The following MAPKAPK3 variants were observed in gnomAD, a reference collection of about 807,000 sequenced individuals.
MAPKAPK3 encodes MAP kinase-activated protein kinase 3.
Under a neutral mutation model 49.2 loss-of-function variants are expected in MAPKAPK3, and 35 were observed. The observed-to-expected ratio is 0.71, with a 90% CI of 0.54 to 0.94. MAPKAPK3 has a LOEUF of 0.94. Ranked by LOEUF, MAPKAPK3 falls within the 40% of genes least tolerant of loss-of-function variation. The pLI is 0.00. For synonymous variants in MAPKAPK3, 178 were observed against 188.7 expected (o/e 0.94, Z 0.46); for missense variants, 398 against 493.1 (o/e 0.81, Z 1.83).
chr3:50,627,393 C>G (rs1429724572), intron 2 of MAPKAPK3, among the ~76,000 whole-genome samples: 1 of 152,032 alleles, frequency 6.6e-6, no homozygotes, highest in African/African-American at 2.4e-5. Context: ...CCCCAGGATG[C>G]CTCTCCCACA....
At chr3:50,639,896 T>G (rs1215096599) in intron 2 of MAPKAPK3, among the ~76,000 whole-genome samples, 2 of 152,226 alleles carry the variant, frequency 1.3e-5, no homozygotes, top group African/African-American at 4.8e-5. Context: ...GGGCCTACTA[T>G]GTACCAGGTG....
rs1043837045 is a variant in MAPKAPK3 at position 50,641,830 on chromosome 3, G to A, written c.424+59G>A. 9.3e-5 allele frequency: 134 copies of A among 1,435,360 alleles called. 1 individual carries two copies. Among genetic ancestry groups the A allele is most frequent in the South Asian group, 7.0e-4 (61 of 87,446 alleles). The allele number at this position is 1,435,360 out of a possible 1,614,324, so 88.9% of individuals were successfully genotyped here. On this transcript the variant is annotated intron_variant, in intron 4 of 10. Transcript: ENST00000621469. ...CAGGGTGAGAGGTATGGACCAGAGC[G>A]TTGTGTGTGATGCTAGGCAAGACCC...
intron 2 of MAPKAPK3, among the ~76,000 whole-genome samples, chr3:50,623,108 C>T (rs979747656): frequency 2.6e-5 from 4 of 152,282 alleles, no homozygotes; most frequent in Middle Eastern, 3.4e-3. Flanking sequence ...ATCTCCAGAC[C>T]GGTCAGATCA....
intron 2 of MAPKAPK3, among the ~76,000 whole-genome samples, chr3:50,630,683 C>G (rs928545706): frequency 6.6e-6 from 1 of 152,190 alleles, no homozygotes; most frequent in African/African-American, 2.4e-5. Flanking sequence ...TTTGCTTTCC[C>G]CAGGCTGGTG....
rs368386934 is a variant in MAPKAPK3 at position 50,648,348 on chromosome 3, A to G, written c.*302A>G. ...CCTCTGTGCTGTCCTGCCCTGGTGC[A>G]TGGCCTTAGCTTTCTAGGCCACTGG... On this transcript the variant is annotated 3_prime_UTR_variant, in exon 11 of 11. Transcript: ENST00000621469. The G allele has an allele frequency of 5.4e-5, 14 of 258,962 alleles. No homozygotes were observed. Among genetic ancestry groups the G allele is most frequent in the Middle Eastern group, 1.2e-3 (1 of 838 alleles). The allele number at this position is 258,962 out of a possible 1,614,324, so 16.0% of individuals were successfully genotyped here.
upstream of MAPKAPK3, chr3:50,613,671 C>G (rs2107564745): frequency 6.6e-6 from 1 of 152,344 alleles, no homozygotes; most frequent in African/African-American, 2.4e-5. Flanking sequence ...TCTACCAAAA[C>G]TATACTTCTT....
In MAPKAPK3 at chr3:50,646,772, G is replaced by A. The variant is rs769809042; in HGVS notation, c.862G>A (p.Asp288Asn). 15 of 1,613,934 alleles carry A rather than the reference G, an allele frequency of 9.3e-6. 1 individual carries two copies. The Admixed American group carries it at 1.8e-4, about 20-fold the overall frequency. The change falls in exon 9 of 11, where the codon GAC (aspartate) becomes AAC (asparagine). Residue 288 changes from aspartate to asparagine, a missense_variant. Transcript: ENST00000621469. ...KQLIRLLLKT[D>N]PTERLTITQF... is the part of the protein sequence containing the mutation. ...GCTGATCCGCCTCCTGTTGAAGACA[G>A]ACCCCACAGAGAGGCTGACCATCAC...
intron 2 of MAPKAPK3, among the ~76,000 whole-genome samples, chr3:50,628,613 G>C (rs968925083): frequency 5.9e-5 from 9 of 152,264 alleles, no homozygotes; most frequent in African/African-American, 1.9e-4. Context: ...ATGTACTCAG[G>C]GGGCTCACAG....
rs759957245 is a variant in MAPKAPK3, at chr3:50,617,648, C to G, written c.83C>G (p.Pro28Arg). The G allele has an allele frequency of 1.2e-5, 20 of 1,609,388 alleles. No homozygotes were observed. The highest frequency in any genetic ancestry group is 1.5e-5 in the Non-Finnish European group (18 of 1,176,930). The change falls in exon 2 of 11, where the codon CCG (proline) becomes CGG (arginine). Residue 28 changes from proline (P) to arginine (R), a missense_variant. Pro to Arg is a moderately radical substitution (Grantham distance 103, BLOSUM62 -2). Around this residue, in one of 5 missense-constraint regions of MAPKAPK3, gnomAD observed 123 missense variants for 117.7 expected, o/e 1.04. Transcript: ENST00000621469. ...GGCGGACCCGGCTTGGGCGGTGCTC[C>G]GGGGGGGCGGCGGGAGCCCAAGAAG... ...APGGPGLGGA[P>R]GGRREPKKYA...
intron 3 of MAPKAPK3, 110 bp from the exon 4 acceptor site, chr3:50,641,597 G>A: frequency 1.2e-6 from 1 of 844,194 alleles, no homozygotes; most frequent in South Asian, 1.4e-5. Flanking sequence ...GTTCAGTAGG[G>A]GAGGAGCGGA....
rs1429857195 is a variant in MAPKAPK3 at position 50,617,565 on chromosome 3, C to T, written c.-1C>T. The T allele has an allele frequency of 6.6e-7, 1 of 1,504,578 alleles. No homozygotes were observed. Among genetic ancestry groups the T allele is most frequent in the Non-Finnish European group, 9.2e-7 (1 of 1,087,490 alleles). The allele number at this position is 1,504,578 out of a possible 1,614,324, so 93.2% of individuals were successfully genotyped here. ...CCGCCTCTGAGCGCCCCGCGGGGGC[C>T]ATGGATGGTGAAACAGCAGAGGAGC... On this transcript the variant is annotated 5_prime_UTR_variant, in exon 2 of 11. Transcript: ENST00000621469.
intron 2 of MAPKAPK3, among the ~76,000 whole-genome samples, chr3:50,618,422 G>A (rs1618103): frequency 1 from 151,739 of 152,144 alleles, 75,672 homozygotes; most frequent in Middle Eastern, 1. Context: ...CAGCCATCTA[G>A]CCACCTCAGA....
rs144320107 is a variant in MAPKAPK3 at position 50,644,323 on chromosome 3, T to G, written c.505-86T>G. On this transcript the variant is annotated intron_variant, in intron 5 of 10. Coordinates refer to ENST00000621469, the MANE Select transcript of MAPKAPK3 (RefSeq NM_001243925.2). ...TGGCTCCTTCTGCACTGGGATGGAGTCGGGGAGTCTGGCTGAAGATCACCT... is the reference window on the plus strand; with the variant it reads ...TGGCTCCTTCTGCACTGGGATGGAGGCGGGGAGTCTGGCTGAAGATCACCT... 590 of 1,512,152 alleles carry G rather than the reference T, an allele frequency of 3.9e-4. 13 individuals are homozygous for G. In the Middle Eastern group the frequency reaches 0.01, roughly 27 times the overall value. The allele number at this position is 1,512,152 out of a possible 1,614,324, so 93.7% of individuals were successfully genotyped here.
intron 5 of MAPKAPK3, among the ~76,000 whole-genome samples, chr3:50,642,852 A>G (rs1350765946): frequency 6.6e-6 from 1 of 151,660 alleles, no homozygotes; most frequent in Non-Finnish European, 1.5e-5. Context: ...GTTTTGTTTT[A>G]TTTTGTTCTG....
intron 2 of MAPKAPK3, among the ~76,000 whole-genome samples, chr3:50,618,296 C>T (rs1464671702): frequency 6.6e-6 from 1 of 152,210 alleles, no homozygotes; most frequent in Non-Finnish European, 1.5e-5. Context: ...CTGATGCCCA[C>T]TGCACCTGTG....
upstream of MAPKAPK3, chr3:50,611,554 C>A: frequency 2.0e-6 from 3 of 1,522,138 alleles, no homozygotes; most frequent in Non-Finnish European, 2.6e-6. Context: ...TCCCAATGCC[C>A]GGCAGCTAGC....
chr3:50,638,534 T>C (rs1328564987), intron 2 of MAPKAPK3, among the ~76,000 whole-genome samples: 1 of 152,154 alleles, frequency 6.6e-6, no homozygotes, highest in East Asian at 1.9e-4. Context: ...CCCAGCCTGC[T>C]CTGGGTAATG....
upstream of MAPKAPK3, chr3:50,611,781 C>A (rs1247311230): frequency 2.2e-5 from 28 of 1,272,390 alleles, no homozygotes; most frequent in South Asian, 2.6e-4. Context: ...GACTGAGAGG[C>A]AGTGGCGCGG....
chr3:50,640,578 G>C, intron 3 of MAPKAPK3, 73 bp downstream of exon 3: 2 of 1,501,642 alleles, frequency 1.3e-6, no homozygotes, highest in South Asian at 2.7e-5. Context: ...CACGCTTCTA[G>C]GGGCTTTCTT....
Sources: allele counts gnomAD v4.1 joint callset (sites outside exome capture counted in the v4.1 genomes callset), GRCh38; gene constraint gnomAD v4.1.1; regional missense constraint gnomAD v4.1.1; transcripts MANE v1.5; gene names NCBI Gene and HGNC (gene_info 2026-07-23, HGNC 2026-07-21).